RNF157: variants seen among roughly 807,000 people sequenced by gnomAD.
The protein encoded by RNF157 is ring finger protein 157.
A neutral mutation model predicts 88.3 loss-of-function variants in RNF157; 55 were observed. The ratio of observed to expected loss-of-function variants is 0.62; its 90% confidence interval spans 0.50 to 0.78. The LOEUF is 0.78. Ranked by LOEUF, RNF157 falls within the 30% of genes least tolerant of loss-of-function variation. The pLI is 0.00. For synonymous variants in RNF157, 334 were observed against 341.2 expected (o/e 0.98, Z 0.23); for missense variants, 788 against 860.8 (o/e 0.92, Z 1.06).
At chr17:76,231,205 G>A (rs1193622662) in intron 1 of RNF157, among the ~76,000 whole-genome samples, 5 of 152,226 alleles carry the variant, frequency 3.3e-5, no homozygotes, top group Middle Eastern at 3.4e-3. Flanking sequence ...CACCGTGTTA[G>A]CCAGGATGGT....
rs1473411513 is a variant in RNF157 at position 76,161,609 on chromosome 17, T to C, written c.991A>G (p.Lys331Glu). ...ALLQIRAMRK[K>E]LGPLSPTSFN... ...CTGGTTGGGGACAAGGGGCCCAATT[T>C]TTTCCTCATGGCTCGGATCTGAAGC... Residue 331 changes from lysine (K) to glutamate (E), a missense_variant, in exon 11 of 19, where the codon AAA becomes GAA. Coordinates refer to ENST00000269391, the MANE Select transcript of RNF157 (RefSeq NM_052916.3). This position sits in a 1 kb window ranked among gnomAD's most constrained non-coding sequence, Gnocchi z 4.6. 6.2e-7 allele frequency: 1 copy of C among 1,613,940 alleles called. No individual in the cohort carries two copies. The highest frequency in any genetic ancestry group is 8.5e-7 in the Non-Finnish European group (1 of 1,180,010).
intron 2 of RNF157, among the ~76,000 whole-genome samples, chr17:76,179,754 G>A (rs923191135): frequency 6.6e-6 from 1 of 152,134 alleles, no homozygotes; most frequent in African/African-American, 2.4e-5. Flanking sequence ...TATGCTAACA[G>A]GTAAGTATGA....
chr17:76,158,340 G>A, intron 13 of RNF157, 53 bp downstream of exon 13: 1 of 1,205,052 alleles, frequency 8.3e-7, no homozygotes, highest in East Asian at 2.4e-5. Context: ...ATGCAGGTAG[G>A]AGGGAAGTCC....
chr17:76,173,115 T>C (rs528369062), intron 3 of RNF157, among the ~76,000 whole-genome samples: 1 of 152,052 alleles, frequency 6.6e-6, no homozygotes, highest in Non-Finnish European at 1.5e-5. Context: ...TGAAACCCCG[T>C]CTCTATTAAA....
At chr17:76,174,584 A>G (rs373663175) in intron 2 of RNF157, among the ~76,000 whole-genome samples, 96 of 152,270 alleles carry the variant, frequency 6.3e-4, no homozygotes, top group African/African-American at 1.9e-3. Context: ...GTTTTAACAT[A>G]TAATTCCCAA....
chr17:76,164,632 A>T, intron 8 of RNF157, 116 bp downstream of exon 8: 10 of 543,578 alleles, frequency 1.8e-5, no homozygotes, highest in Non-Finnish European at 2.8e-5. Context: ...AAAGAGGAAA[A>T]GGAGAGAGCA....
intron 2 of RNF157, among the ~76,000 whole-genome samples, chr17:76,198,349 G>C (rs986864651): frequency 2.0e-5 from 3 of 152,160 alleles, no homozygotes; most frequent in African/African-American, 7.2e-5. Flanking sequence ...GCTGGGGGAG[G>C]GGGGTTCTTG....
chr17:76,164,664 A>G (rs1355062088), intron 8 of RNF157, 84 bp downstream of exon 8: 1 of 795,774 alleles, frequency 1.3e-6, no homozygotes, highest in Non-Finnish European at 2.0e-6. Flanking sequence ...AAAAATAAAA[A>G]AAGAGGGAGA....
At chr17:76,148,049 G>A (rs2068611557) in intron 18 of RNF157, among the ~76,000 whole-genome samples, 2 of 152,130 alleles carry the variant, frequency 1.3e-5, no homozygotes, top group South Asian at 4.1e-4. Flanking sequence ...TCCAGGGGAA[G>A]GAGAAACTTA....
At position 76,146,602 on chromosome 17, in the gene RNF157, G is replaced by C; in HGVS notation, c.1922-1249C>G. 1 of 985,476 alleles carries C rather than the reference G, an allele frequency of 1.0e-6. No individual in the cohort carries two copies. The highest frequency in any genetic ancestry group is 1.2e-6 in the Non-Finnish European group (1 of 829,942). The allele number at this position is 985,476 out of a possible 1,614,324, so 61.0% of individuals were successfully genotyped here. A position where few individuals can be genotyped will look rare whatever the true frequency, so the allele number is the denominator to read the frequency against. ...GTCTCCCAGTGGCCTCCCCTCACGA[G>C]GCATCTCTGGCCGGGGGAGGCCCAG... On this transcript the variant is annotated intron_variant, in intron 18 of 18. Transcript: ENST00000269391. The surrounding 1 kb of genome is among the most constrained non-coding windows in gnomAD (Gnocchi z 4.2).
chr17:76,196,838 G>T (rs1963006656), intron 2 of RNF157, among the ~76,000 whole-genome samples: 1 of 152,082 alleles, frequency 6.6e-6, no homozygotes, highest in Non-Finnish European at 1.5e-5. Context: ...ACAAAAAGCT[G>T]GCCCCTTTAC....
chr17:76,212,225 C>A, intron 2 of RNF157, 139 bp downstream of exon 2: 1 of 646,170 alleles, frequency 1.5e-6, no homozygotes, highest in Non-Finnish European at 2.8e-6. Context: ...AAGGAGGCTG[C>A]AGTTTGTCTT....
chr17:76,239,992 C>T (rs2070350583), intron 1 of RNF157, among the ~76,000 whole-genome samples, 161 bp downstream of exon 1: 2 of 151,898 alleles, frequency 1.3e-5, no homozygotes, highest in Admixed American at 6.5e-5. Flanking sequence ...GCGGGGGAGA[C>T]CTCGGCCTTC....
intron 17 of RNF157, chr17:76,153,541 T>G (rs539970395): frequency 1.3e-5 from 2 of 151,986 alleles, no homozygotes; most frequent in Non-Finnish European, 2.9e-5. Context: ...GGGGGAAGAG[T>G]CTGGCTCCTG....
chr17:76,189,141 A>G (rs1389862846), intron 2 of RNF157, among the ~76,000 whole-genome samples: 1 of 152,200 alleles, frequency 6.6e-6, no homozygotes, highest in African/African-American at 2.4e-5. Context: ...AGAACTAAGA[A>G]AGGACAATAG....
At chr17:76,168,892 C>A (rs1268807263) in intron 3 of RNF157, among the ~76,000 whole-genome samples, 1 of 152,230 alleles carries the variant, frequency 6.6e-6, no homozygotes, top group Admixed American at 6.5e-5. Flanking sequence ...ACACTGAAAG[C>A]CTTTTCACTG....
chr17:76,208,802 T>C (rs893677162), intron 2 of RNF157, among the ~76,000 whole-genome samples: 2 of 151,896 alleles, frequency 1.3e-5, no homozygotes, highest in African/African-American at 2.4e-5. Context: ...TGAAACCCCA[T>C]CTCTACTAAA....
intron 2 of RNF157, among the ~76,000 whole-genome samples, chr17:76,193,119 T>C (rs1252505346): frequency 6.6e-6 from 1 of 152,140 alleles, no homozygotes; most frequent in Non-Finnish European, 1.5e-5. Flanking sequence ...GCACTCAGCC[T>C]TCTCTCACTT....
chr17:76,149,049 C>G (rs2068632724), intron 18 of RNF157, among the ~76,000 whole-genome samples: 1 of 152,178 alleles, frequency 6.6e-6, no homozygotes, highest in Non-Finnish European at 1.5e-5. Flanking sequence ...CTGAGATCTC[C>G]TTCCTTTATT....
Sources: allele counts gnomAD v4.1 joint callset (sites outside exome capture counted in the v4.1 genomes callset), GRCh38; gene constraint gnomAD v4.1.1; non-coding constraint Gnocchi (gnomAD v3.1); transcripts MANE v1.5; gene names NCBI Gene and HGNC (gene_info 2026-07-23, HGNC 2026-07-21).